The following AKAP6 variants were observed in gnomAD, a reference collection of about 807,000 sequenced individuals.
AKAP6 encodes the protein A-kinase anchor protein 6.
A neutral mutation model predicts 188.5 loss-of-function variants in AKAP6; 58 were observed. The observed-to-expected ratio is 0.31, with a 90% confidence interval of 0.25 to 0.38. The LOEUF (loss-of-function observed/expected upper bound fraction) is 0.38. Ranked by LOEUF, AKAP6 falls within the 10% of genes least tolerant of loss-of-function variation. AKAP6 has a pLI of 1.00. For missense variants in AKAP6, 2,710 were observed against 2,740.0 expected (o/e 0.99, Z 0.24); for synonymous variants, 989 against 998.6 (o/e 0.99, Z 0.18).
At chr14:32,657,726 A>G (rs1204606815) in intron 7 of AKAP6, among the ~76,000 whole-genome samples, 1 of 148,806 alleles carries the variant, frequency 6.7e-6, no homozygotes, top group Non-Finnish European at 1.5e-5. Context: ...TTTTTTTTTT[A>G]CCATAATTTT....
chr14:32,798,561 G>T (rs1003647625), intron 12 of AKAP6, among the ~76,000 whole-genome samples: 2 of 152,114 alleles, frequency 1.3e-5, no homozygotes, highest in Non-Finnish European at 2.9e-5. Flanking sequence ...AATGAGATAT[G>T]TCTTTTGCAG....
intron 2 of AKAP6, among the ~76,000 whole-genome samples, chr14:32,469,485 A>G (rs1458875001): frequency 6.6e-6 from 1 of 152,212 alleles, no homozygotes; most frequent in Non-Finnish European, 1.5e-5. Flanking sequence ...TGTATAATAA[A>G]GTCAAGACAG....
At position 32,352,823 on chromosome 14, in the gene AKAP6, C is replaced by T. The variant is rs532922408; in HGVS notation, c.-35+23415C>T. ...CATTGATGGACACTTAGGTTGATTC[C>T]GTATCTTGGCTATTGTGAATAGTGA... On this transcript the variant is annotated intron_variant, in intron 1 of 13. Coordinates refer to ENST00000280979, the MANE Select transcript of AKAP6 (RefSeq NM_004274.5). Among the ~76,000 whole-genome samples, 6 of 152,264 alleles carry T rather than the reference C, an allele frequency of 3.9e-5. No individual in the cohort carries two copies. The South Asian group carries it at 6.2e-4, about 16-fold the overall frequency.
chr14:32,402,316 G>A (rs1241042421), intron 1 of AKAP6, among the ~76,000 whole-genome samples: 1 of 152,146 alleles, frequency 6.6e-6, no homozygotes. Flanking sequence ...GTGGCGTGAG[G>A]CACACTATCT....
At chr14:32,375,603 A>C (rs1888133832) in intron 1 of AKAP6, among the ~76,000 whole-genome samples, 1 of 152,220 alleles carries the variant, frequency 6.6e-6, no homozygotes, top group Admixed American at 6.5e-5. Flanking sequence ...ATTATTCAAA[A>C]GGCAGGAAAG....
intron 7 of AKAP6, among the ~76,000 whole-genome samples, chr14:32,670,509 A>G (rs1277609534): frequency 1.3e-5 from 2 of 152,200 alleles, no homozygotes; most frequent in Admixed American, 1.3e-4. Context: ...ACAGGTGCTT[A>G]GATATACTGC....
chr14:32,819,594 C>T (rs1301022533), intron 12 of AKAP6, among the ~76,000 whole-genome samples: 1 of 152,128 alleles, frequency 6.6e-6, no homozygotes, highest in Admixed American at 6.5e-5. Context: ...ATGAAGCAGG[C>T]AGAGGAAACC....
intron 5 of AKAP6, among the ~76,000 whole-genome samples, chr14:32,587,409 G>T (rs1174426315): frequency 6.6e-6 from 1 of 152,270 alleles, no homozygotes; most frequent in East Asian, 1.9e-4. Flanking sequence ...CATGTAACGG[G>T]TTTCTACTAG....
intron 2 of AKAP6, among the ~76,000 whole-genome samples, chr14:32,454,685 T>C (rs545058757): frequency 0.028 from 806 of 28,848 alleles, 11 homozygotes; most frequent in African/African-American, 0.063. Flanking sequence ...CCTTCCCTCC[T>C]TCCCTCCCTC....
chr14:32,580,715 C>A (rs200586019), intron 5 of AKAP6, among the ~76,000 whole-genome samples: 4 of 151,762 alleles, frequency 2.6e-5, no homozygotes, highest in Admixed American at 6.6e-5. Flanking sequence ...CCCCCCACCC[C>A]ACAACAGTCC....
chr14:32,836,421 A>G lies in AKAP6; in HGVS notation c.*6616A>G, dbSNP rs1469637033. 1 of 152,028 alleles carries G rather than the reference A, an allele frequency of 6.6e-6. No homozygotes were observed. The highest frequency in any genetic ancestry group is 1.9e-4 in the East Asian group (1 of 5,178). The allele number at this position is 152,028 out of a possible 1,614,324, so 9.4% of individuals were successfully genotyped here. A position where few individuals can be genotyped will look rare whatever the true frequency, so the allele number is the denominator to read the frequency against. ...GACTTCACAACTTAATCACCTCCCAAAGGCTCCATCTCTTAATACGATCAC... is the reference window on the plus strand; with the variant it reads ...GACTTCACAACTTAATCACCTCCCAGAGGCTCCATCTCTTAATACGATCAC... On this transcript the variant is annotated 3_prime_UTR_variant, in exon 14 of 14. Transcript: ENST00000280979.
At position 32,329,306 on chromosome 14, in the gene AKAP6, T is replaced by G. The variant is rs997141193; in HGVS notation, c.-137T>G. 5.9e-5 allele frequency: 9 copies of G among 152,160 alleles called. No individual in the cohort carries two copies. The highest frequency in any genetic ancestry group is 2.2e-4 in the African/African-American group (9 of 41,466). 9.4% of individuals were successfully genotyped at this position (152,160 alleles called of 1,614,324 possible). A position where few individuals can be genotyped will look rare whatever the true frequency, so the allele number is the denominator to read the frequency against. The stretch of plus-strand genomic sequence containing the variant: ...CCATAATGAGCTGCATCATCTGAAC[T>G]GATGTCACAGCATCATGCAGCAGGT... On this transcript the variant is annotated 5_prime_UTR_variant, in exon 1 of 14. Transcript: ENST00000280979.
chr14:32,388,582 A>G (rs1888607595), intron 1 of AKAP6, among the ~76,000 whole-genome samples: 1 of 151,942 alleles, frequency 6.6e-6, no homozygotes. Flanking sequence ...GAATTTTTAA[A>G]TTTTCATGTT....
intron 12 of AKAP6, among the ~76,000 whole-genome samples, chr14:32,806,679 TAC>T (rs2034097301): frequency 6.6e-6 from 1 of 151,560 alleles, no homozygotes; most frequent in South Asian, 2.1e-4. Flanking sequence ...CCTGTCCCCC[TAC>T]ACACACAAAA....
Position 32,400,469 on chromosome 14 carries a change from GT to G in AKAP6, c.-34-32988del, listed in dbSNP as rs776890977. On this transcript the variant is annotated intron_variant, in intron 1 of 13. Coordinates refer to ENST00000280979, the MANE Select transcript of AKAP6 (RefSeq NM_004274.5). Reference sequence around the variant, plus strand: ...AGGGTTTCACTTTTCATTCCTGAGAGTTTATACATTTAAAAAATTGTTGGTT... The same window carrying G: ...AGGGTTTCACTTTTCATTCCTGAGAGTTATACATTTAAAAAATTGTTGGTT... 4.9e-3 allele frequency among the ~76,000 whole-genome samples: 661 copies of G among 134,124 alleles called. 3 individuals carry two copies. The highest frequency in any genetic ancestry group is 7.8e-3 in the Non-Finnish European group (505 of 64,850). 88.0% of individuals were successfully genotyped at this position (134,124 alleles called of 152,430 possible).
chr14:32,724,612 A>G (rs553175283), intron 9 of AKAP6, among the ~76,000 whole-genome samples: 3 of 152,286 alleles, frequency 2.0e-5, no homozygotes, highest in South Asian at 4.1e-4. Context: ...TAAAATTTCC[A>G]TATATCCAGT....
intron 1 of AKAP6, among the ~76,000 whole-genome samples, chr14:32,337,095 G>C (rs1234645201): frequency 6.6e-6 from 1 of 152,152 alleles, no homozygotes; most frequent in Non-Finnish European, 1.5e-5. Context: ...CTATTAGTCA[G>C]TCTTGCAGGC....
Position 32,513,387 on chromosome 14 carries a change from A to G in AKAP6, c.325-22167A>G, listed in dbSNP as rs540895802. Among the ~76,000 whole-genome samples, 3 of 152,336 alleles carry G rather than the reference A, an allele frequency of 2.0e-5. No homozygotes were observed. In the East Asian group the frequency reaches 5.8e-4, roughly 29 times the overall value. On this transcript the variant is annotated intron_variant, in intron 2 of 13. Coordinates refer to ENST00000280979, the MANE Select transcript of AKAP6 (RefSeq NM_004274.5). The stretch of plus-strand genomic sequence containing the variant: ...CAGAGCAAACACAGTTAATAATCCT[A>G]GTAACCAGAATTAATGATATGTTAT...
At chr14:32,733,245 T>TAG (rs2031267703) in intron 10 of AKAP6, 1 of 154,522 alleles carries the variant, frequency 6.5e-6, no homozygotes, top group African/African-American at 2.4e-5. Flanking sequence ...AAAGGCAATA[T>TAG]AGAGATTCTG....
Sources: gnomAD v4.1 joint callset for allele counts (sites outside exome capture counted in the v4.1 genomes callset) on GRCh38, gnomAD v4.1.1 for gene constraint, MANE v1.5 for transcripts, NCBI Gene and HGNC (gene_info 2026-07-23, HGNC 2026-07-21) for gene names.